ZMYM6: variants seen among roughly 807,000 people sequenced by gnomAD.
The protein encoded by ZMYM6 is zinc finger MYM-type protein 6.
Under a neutral mutation model 134.0 loss-of-function variants are expected in ZMYM6, and 90 were observed. The observed-to-expected ratio is 0.67, with a 90% CI of 0.57 to 0.80. The LOEUF (loss-of-function observed/expected upper bound fraction) is 0.80. Among genes scored for constraint, ZMYM6 ranks in the 30% least tolerant of loss-of-function variants. ZMYM6 has a pLI of 0.00. For missense variants in ZMYM6, 1,362 were observed against 1,533.9 expected (o/e 0.89, Z 1.87); for synonymous variants, 481 against 524.1 (o/e 0.92, Z 1.12).
At chr1:35,000,403 A>C (rs1640860141) in intron 14 of ZMYM6, among the ~76,000 whole-genome samples, 1 of 151,490 alleles carries the variant, frequency 6.6e-6, no homozygotes, top group South Asian at 2.1e-4. Context: ...CCACCTAGCT[A>C]ATTTTTTGTA....
rs368274404 is a variant in ZMYM6, at chr1:34,987,149, T to C, written c.3933A>G (p.Thr1311=). The change falls in exon 16 of 16, where the codon ACA becomes ACG. Residue 1311 remains threonine, a synonymous_variant. Coordinates refer to ENST00000357182, the MANE Select transcript of ZMYM6 (RefSeq NM_007167.4). ...GSGPALRLAV[T]SLIPRIEKLV... ...ATTTTTCTATCCTTGGAATTAAAGATGTGACTGCAAGTCTTAGGGCAGGGC... is the reference window on the plus strand; with the variant it reads ...ATTTTTCTATCCTTGGAATTAAAGACGTGACTGCAAGTCTTAGGGCAGGGC... The C allele has an allele frequency of 6.6e-5, 105 of 1,582,982 alleles. No homozygotes were observed. The highest frequency in any genetic ancestry group is 8.0e-5 in the Non-Finnish European group (93 of 1,167,944).
chr1:35,014,627 G>C, intron 6 of ZMYM6, 70 bp downstream of exon 6: 1 of 1,447,390 alleles, frequency 6.9e-7, no homozygotes, highest in East Asian at 2.3e-5. Flanking sequence ...CTCTCATTTT[G>C]TAGTTCATCC....
chr1:35,015,743 A>AAAAAAAGATAT, intron 4 of ZMYM6, among the ~76,000 whole-genome samples: 1 of 106,476 alleles, frequency 9.4e-6, no homozygotes, highest in African/African-American at 6.6e-5. Context: ...AAAAAAAAAA[A>AAAAAAAGATAT]ATATATATAT....
intron 15 of ZMYM6, chr1:34,989,278 C>G: frequency 9.9e-7 from 1 of 1,012,848 alleles, no homozygotes; most frequent in Non-Finnish European, 1.2e-6. Flanking sequence ...TGGCTCACAC[C>G]TATAATCCCA....
Position 35,008,889 on chromosome 1 carries a change from G to T in ZMYM6, c.1528C>A (p.Arg510=). 1.2e-6 allele frequency: 2 copies of T among 1,613,130 alleles called. No individual in the cohort carries two copies. Among genetic ancestry groups the T allele is most frequent in the Non-Finnish European group, 1.7e-6 (2 of 1,179,688 alleles). Reference sequence around the variant, plus strand: ...CACATCTTACAGTAGTTTCCCCATCGTTCTCCAAAGTCACGGGCAGAGAGG... The same window carrying T: ...CACATCTTACAGTAGTTTCCCCATCTTTCTCCAAAGTCACGGGCAGAGAGG... ...KFLSARDFGE[R]WGNYCKMCSY... Residue 510 remains arginine (R), a synonymous_variant, in exon 11 of 16, where the codon CGA becomes AGA. Coordinates refer to ENST00000357182, the MANE Select transcript of ZMYM6 (RefSeq NM_007167.4).
In ZMYM6 at chr1:34,988,856, C is replaced by T. The variant is rs756501040; in HGVS notation, c.2226G>A (p.Gln742=). 52 of 1,602,824 alleles carry T rather than the reference C, an allele frequency of 3.2e-5. 1 individual carries two copies. In the South Asian group the frequency reaches 4.9e-4, roughly 15 times the overall value. Residue 742 remains glutamine (Q), a synonymous_variant, in exon 16 of 16, where the codon CAG becomes CAA. Transcript: ENST00000357182. ...CTTTTAAATATTCTGTATCATAAGT[C>T]TGGAAAAAACCTAATCTTTTTTTCT... ...PSKKKRLGFF[Q]TYDTEYLKVG...
intron 11 of ZMYM6, 85 bp downstream of exon 11, chr1:35,008,667 T>G: frequency 6.8e-7 from 1 of 1,467,662 alleles, no homozygotes; most frequent in Non-Finnish European, 9.2e-7. Flanking sequence ...CACCAAATTT[T>G]TCTTCACATA....
At chr1:34,989,074 C>T in intron 15 of ZMYM6, 139 bp from the exon 16 acceptor site, 1 of 1,457,186 alleles carries the variant, frequency 6.9e-7, no homozygotes, top group Non-Finnish European at 9.0e-7. Context: ...AGTTTAAGCA[C>T]AAGTCATAAT....
intron 11 of ZMYM6, among the ~76,000 whole-genome samples, chr1:35,008,140 T>C (rs2148451602): frequency 6.6e-6 from 1 of 152,286 alleles, no homozygotes; most frequent in South Asian, 2.1e-4. Context: ...AGATGCTGTC[T>C]TGCTGTCACC....
Position 34,992,375 on chromosome 1 carries a change from C to A in ZMYM6, c.2005G>T (p.Glu669Ter). Residue 669 changes from glutamate to a stop codon, truncating the protein, a stop_gained, in exon 15 of 16, where the codon GAA becomes TAA. Coordinates refer to ENST00000357182, the MANE Select transcript of ZMYM6 (RefSeq NM_007167.4). LOFTEE classifies it high-confidence loss of function. Reference protein sequence around the residue: ...AKIIQDESTQEDAMKFPSSQS... With the variant: ...AKIIQDESTQ The stretch of plus-strand genomic sequence containing the variant: ...GAAGATGGAAATTTCATAGCATCTT[C>A]CTGTGTACTTTCCTAGTTAAAAGCA... 6.2e-7 allele frequency: 1 copy of A among 1,613,450 alleles called. No individual in the cohort carries two copies. Among genetic ancestry groups the A allele is most frequent in the Non-Finnish European group, 8.5e-7 (1 of 1,179,790 alleles).
intron 14 of ZMYM6, among the ~76,000 whole-genome samples, chr1:34,992,667 TATAAAAATATATTTGTAAATATAAAA>T (rs1557558210): frequency 1.9e-4 from 28 of 146,076 alleles, no homozygotes; most frequent in South Asian, 4.4e-4. Flanking sequence ...AAACTATAAA[TATAAAAATATATTTGTAAATATAAAA>T]ATAAAAATAT....
In ZMYM6 at chr1:35,012,596, T is replaced by C. The variant is rs761774849; in HGVS notation, c.796-15A>G. 1 of 1,612,272 alleles carries C rather than the reference T, an allele frequency of 6.2e-7. No homozygotes were observed. The highest frequency in any genetic ancestry group is 8.5e-7 in the Non-Finnish European group (1 of 1,179,238). On this transcript the variant is annotated splice_polypyrimidine_tract_variant and intron_variant, in intron 6 of 15. Coordinates refer to ENST00000357182, the MANE Select transcript of ZMYM6 (RefSeq NM_007167.4). ...TGGGCAGAATTCTATTAAAATAAAA[T>C]AACATTAGATACCTAGTACAAACAT...
chr1:35,028,839 G>A (rs1318542296), intron 2 of ZMYM6, among the ~76,000 whole-genome samples: 2 of 151,988 alleles, frequency 1.3e-5, no homozygotes, highest in South Asian at 2.1e-4. Context: ...GGTCCCTATG[G>A]GGTAGCCAGA....
chr1:35,021,282 A>T (rs1641304839), intron 2 of ZMYM6, among the ~76,000 whole-genome samples: 1 of 151,856 alleles, frequency 6.6e-6, no homozygotes, highest in South Asian at 2.1e-4. Context: ...CTGGGAATAC[A>T]GGCTTGCGCT....
chr1:35,026,399 T>G (rs1241826711), intron 2 of ZMYM6, among the ~76,000 whole-genome samples: 4 of 152,208 alleles, frequency 2.6e-5, no homozygotes, highest in African/African-American at 9.6e-5. Context: ...TCTCTTATTT[T>G]CCAATATTCA....
At chr1:35,007,897 T>C (rs10158928) in intron 11 of ZMYM6, among the ~76,000 whole-genome samples, 35,346 of 151,918 alleles carry the variant, frequency 0.23, 8,704 homozygotes, top group African/African-American at 0.62. Context: ...AAAATAAAGA[T>C]AGGTTCAACT....
chr1:35,025,131 A>G (rs1347475345), intron 2 of ZMYM6, among the ~76,000 whole-genome samples: 4 of 146,240 alleles, frequency 2.7e-5, no homozygotes, highest in Non-Finnish European at 6.0e-5. Context: ...TCGGCCTCCC[A>G]AAGTGCTGGG....
At chr1:35,017,790 A>T (rs1390399432) in intron 4 of ZMYM6, 1 of 152,176 alleles carries the variant, frequency 6.6e-6, no homozygotes, top group African/African-American at 2.4e-5. Context: ...AAAGATAAGA[A>T]TCTGTCTCCT....
intron 2 of ZMYM6, among the ~76,000 whole-genome samples, chr1:35,023,052 G>C (rs1557587289): frequency 1.3e-5 from 2 of 152,070 alleles, no homozygotes; most frequent in Non-Finnish European, 2.9e-5. Context: ...AAGGTATACA[G>C]AATGACATCT....
Sources: gnomAD v4.1 joint callset for allele counts (sites outside exome capture counted in the v4.1 genomes callset) on GRCh38, gnomAD v4.1.1 for gene constraint, MANE v1.5 for transcripts, NCBI Gene and HGNC (gene_info 2026-07-23, HGNC 2026-07-21) for gene names.